MED12L: variants seen among roughly 807,000 people sequenced by gnomAD.
MED12L encodes mediator complex subunit 12L.
MED12L carries 60 observed loss-of-function variants against 281.3 expected under a neutral mutation model. That is an observed-to-expected ratio of 0.21 (90% CI 0.17 to 0.26). The LOEUF (loss-of-function observed/expected upper bound fraction) is 0.26. Ranked by LOEUF, MED12L falls within the 10% of genes least tolerant of loss-of-function variation. The pLI is 1.00. For synonymous variants in MED12L, 974 were observed against 987.2 expected (o/e 0.99, Z 0.25); for missense variants, 2,146 against 2,680.9 (o/e 0.80, Z 4.41).
Position 151,086,914 on chromosome 3 carries a change from A to C in MED12L, c.-13A>C. ...CCAACTCTCATTCATTTCGCCGGTTAACATGAGAGATCATGGCCGCCTTCG... is the reference window on the plus strand; with the variant it reads ...CCAACTCTCATTCATTTCGCCGGTTCACATGAGAGATCATGGCCGCCTTCG... On this transcript the variant is annotated 5_prime_UTR_variant, in exon 2 of 45. Coordinates refer to ENST00000687756, the MANE Select transcript of MED12L (RefSeq NM_001393769.1). 1 of 1,576,152 alleles carries C rather than the reference A, an allele frequency of 6.3e-7. No homozygotes were observed.
At chr3:151,316,472 A>C (rs1404179943) in intron 16 of MED12L, 1 of 152,154 alleles carries the variant, frequency 6.6e-6, no homozygotes, top group Non-Finnish European at 1.5e-5. Flanking sequence ...CAGCATTCTA[A>C]TTTCTAGTTT....
chr3:151,088,852 G>A (rs543635227), intron 2 of MED12L, among the ~76,000 whole-genome samples: 1 of 152,178 alleles, frequency 6.6e-6, no homozygotes, highest in Non-Finnish European at 1.5e-5. Context: ...AACTAATACT[G>A]CTTTGAGGAT....
chr3:151,175,039 C>T (rs1721879105), intron 11 of MED12L, among the ~76,000 whole-genome samples: 1 of 152,166 alleles, frequency 6.6e-6, no homozygotes, highest in African/African-American at 2.4e-5. Flanking sequence ...ACCATTTATG[C>T]TTATGTAATA....
rs1239059381 is a variant in MED12L at position 151,435,962 on chromosome 3, T to G, written c.*3158T>G. ...AGCTCCAAACCAGGGGTGCCTGAGC[T>G]AGATTTTAAAGTTATAAAGAAGTTT... On this transcript the variant is annotated 3_prime_UTR_variant, in exon 45 of 45. Coordinates refer to ENST00000687756, the MANE Select transcript of MED12L (RefSeq NM_001393769.1). 1 of 152,192 alleles carries G rather than the reference T, an allele frequency of 6.6e-6. No homozygotes were observed. The highest frequency in any genetic ancestry group is 1.5e-5 in the Non-Finnish European group (1 of 68,036). 9.4% of individuals were successfully genotyped at this position (152,192 alleles called of 1,614,324 possible).
chr3:151,201,598 C>T (rs1725600322), intron 16 of MED12L, among the ~76,000 whole-genome samples: 1 of 152,202 alleles, frequency 6.6e-6, no homozygotes, highest in Admixed American at 6.5e-5. Context: ...TGGTCATCTT[C>T]TAAGCGCTCT....
At chr3:151,269,746 C>G (rs1740526846) in intron 16 of MED12L, 13 of 417,476 alleles carry the variant, frequency 3.1e-5, no homozygotes, top group South Asian at 2.4e-4. Context: ...CAAGGAATTT[C>G]ATCTGAATGA....
At chr3:151,412,465 G>A (rs149564403) in intron 41 of MED12L, among the ~76,000 whole-genome samples, 60 of 152,290 alleles carry the variant, frequency 3.9e-4, no homozygotes, top group African/African-American at 1.3e-3. Context: ...CATGTAAAAC[G>A]TGTCCATCTA....
At position 151,184,822 on chromosome 3, in the gene MED12L, G is replaced by T. The variant is rs1302467644; in HGVS notation, c.1495-508G>T. 2.0e-5 allele frequency among the ~76,000 whole-genome samples: 3 copies of T among 152,170 alleles called. No homozygotes were observed. In the East Asian group the frequency reaches 5.8e-4, roughly 29 times the overall value. On this transcript the variant is annotated intron_variant, in intron 11 of 44. Coordinates refer to ENST00000687756, the MANE Select transcript of MED12L (RefSeq NM_001393769.1). Reference sequence around the variant, plus strand: ...TTCCATTGGGACGGGTGTTTTACCAGCGTTCCAGCCTCCCCTCTGGTTTGT... The same window carrying T: ...TTCCATTGGGACGGGTGTTTTACCATCGTTCCAGCCTCCCCTCTGGTTTGT...
chr3:151,386,302 A>T (rs1377110014), intron 36 of MED12L, among the ~76,000 whole-genome samples: 1 of 152,230 alleles, frequency 6.6e-6, no homozygotes, highest in East Asian at 1.9e-4. Context: ...TTTTTACACC[A>T]AGGAAAAAGT....
intron 16 of MED12L, among the ~76,000 whole-genome samples, chr3:151,228,007 T>C (rs1730885137): frequency 6.6e-6 from 1 of 152,238 alleles, no homozygotes; most frequent in African/African-American, 2.4e-5. Flanking sequence ...ATGGTAGGTA[T>C]GTTTCAGATG....
Position 151,372,598 on chromosome 3 carries a change from C to T in MED12L, c.3696C>T (p.Ser1232=). ...CCAAAATTGGCAATAACAGTGTCAG[C>T]TCTTTAAAGAATGATGACTTCACCA... ...GDAKIGNNSV[S]SLKNDDFTMR... The change falls in exon 27 of 45, where the codon AGC becomes AGT. Residue 1232 remains serine, a synonymous_variant. Transcript: ENST00000687756. 5.6e-6 allele frequency: 9 copies of T among 1,613,836 alleles called. No individual in the cohort carries two copies. The highest frequency in any genetic ancestry group is 7.6e-6 in the Non-Finnish European group (9 of 1,179,788).
At chr3:151,426,623 C>T (rs1303564214) in intron 43 of MED12L, among the ~76,000 whole-genome samples, 1 of 152,164 alleles carries the variant, frequency 6.6e-6, no homozygotes, top group South Asian at 2.1e-4. Context: ...AGAATCTTTT[C>T]ATGTTCACAG....
intron 5 of MED12L, among the ~76,000 whole-genome samples, chr3:151,146,522 C>T (rs556294947): frequency 6.6e-6 from 1 of 152,234 alleles, no homozygotes; most frequent in African/African-American, 2.4e-5. Context: ...TTAGTGTTTG[C>T]TGCTACATAT....
At chr3:151,415,639 G>T (rs1717454596) in intron 42 of MED12L, among the ~76,000 whole-genome samples, 1 of 152,218 alleles carries the variant, frequency 6.6e-6, no homozygotes, top group African/African-American at 2.4e-5. Flanking sequence ...AAGTGTTTGG[G>T]TGGAGGAAAT....
In MED12L at chr3:151,433,574, AC is replaced by A. The variant is rs1220312362; in HGVS notation, c.*771del. Reference sequence around the variant, plus strand: ...TGATGAGAGTCATTGTGAAGGTACAACATGTAAATCCTAAAGGCCTGAAAGA... The same window carrying A: ...TGATGAGAGTCATTGTGAAGGTACAAATGTAAATCCTAAAGGCCTGAAAGA... On this transcript the variant is annotated 3_prime_UTR_variant, in exon 45 of 45. Transcript: ENST00000687756. 6.6e-6 allele frequency: 1 copy of A among 152,448 alleles called. No homozygotes were observed. Among genetic ancestry groups the A allele is most frequent in the Admixed American group, 6.5e-5 (1 of 15,290 alleles). 9.4% of individuals were successfully genotyped at this position (152,448 alleles called of 1,614,324 possible).
At chr3:151,260,393 A>G (rs1023765719) in intron 16 of MED12L, among the ~76,000 whole-genome samples, 2 of 152,112 alleles carry the variant, frequency 1.3e-5, no homozygotes, top group African/African-American at 4.8e-5. Context: ...TCTGTTGTCC[A>G]GGCTGGAGTG....
intron 14 of MED12L, among the ~76,000 whole-genome samples, chr3:151,191,892 G>A (rs956960359): frequency 1.3e-5 from 2 of 151,428 alleles, no homozygotes; most frequent in Non-Finnish European, 2.9e-5. Flanking sequence ...GGCAACAAGA[G>A]CAAAACTGTC....
intron 16 of MED12L, chr3:151,213,573 A>C: frequency 1.9e-6 from 3 of 1,614,210 alleles, no homozygotes; most frequent in Non-Finnish European, 2.5e-6. Context: ...CAATATGGTA[A>C]GGTACAAAAC....
At chr3:151,153,660 C>A (rs1718885203) in intron 5 of MED12L, among the ~76,000 whole-genome samples, 1 of 144,700 alleles carries the variant, frequency 6.9e-6, no homozygotes, top group African/African-American at 2.6e-5. Flanking sequence ...CCTCTGCCTC[C>A]CAGCTTCAAG....
Sources: allele counts gnomAD v4.1 joint callset (sites outside exome capture counted in the v4.1 genomes callset), GRCh38; gene constraint gnomAD v4.1.1; transcripts MANE v1.5; gene names NCBI Gene and HGNC (gene_info 2026-07-23, HGNC 2026-07-21).